Variants in PCSK2 observed in about 807,000 individuals in gnomAD.
The protein encoded by PCSK2 is proprotein convertase subtilisin/kexin type 2, also known as neuroendocrine convertase 2.
In PCSK2, 14 loss-of-function variants were observed where a neutral mutation model predicts 69.7. That is an observed-to-expected ratio of 0.20 (90% CI 0.13 to 0.31). PCSK2 has a LOEUF of 0.31. PCSK2 is among the 10% of genes least tolerant of loss of function. PCSK2 has a pLI of 1.00. For missense variants in PCSK2, 544 were observed against 842.5 expected, an observed-to-expected ratio of 0.65 and a Z score of 4.39; for synonymous variants, 307 against 320.7, an observed-to-expected ratio of 0.96 and a Z score of 0.46.
At chr20:17,442,447 A>G (rs1209339529) in intron 8 of PCSK2, among the ~76,000 whole-genome samples, 1 of 152,086 alleles carries the variant, frequency 6.6e-6, no homozygotes, top group East Asian at 1.9e-4. Context: ...TGGATCATCA[A>G]AAAGGAGGTT....
chr20:17,303,449 ATT>A (rs1989172536), intron 2 of PCSK2, among the ~76,000 whole-genome samples: 2 of 72,404 alleles, frequency 2.8e-5, no homozygotes, highest in African/African-American at 1.2e-4. Context: ...TATAATATAT[ATT>A]ATATTAAATA....
At chr20:17,479,161 T>G in intron 11 of PCSK2, 1 of 1,389,122 alleles carries the variant, frequency 7.2e-7, no homozygotes, top group Non-Finnish European at 1.0e-6. Flanking sequence ...ACAGGTTCCA[T>G]CAGATGTGGT....
At chr20:17,381,360 A>C (rs1336660331) in intron 5 of PCSK2, among the ~76,000 whole-genome samples, 1 of 152,246 alleles carries the variant, frequency 6.6e-6, no homozygotes, top group Non-Finnish European at 1.5e-5. Context: ...TGCTAGGCAG[A>C]AGAATAAGAT....
intron 2 of PCSK2, among the ~76,000 whole-genome samples, chr20:17,343,090 G>A (rs1251426889): frequency 6.6e-6 from 1 of 152,218 alleles, no homozygotes; most frequent in Non-Finnish European, 1.5e-5. Context: ...GATTCAGTAT[G>A]TGGGCCTAGA....
rs1019603022 is a variant in PCSK2 at position 17,306,792 on chromosome 20, C to T, written c.282+46448C>T. ...ATGATGAACTGCACACAAACTCTTT[C>T]GGCCTTGGTAACTTTCCTGAGGAAA... On this transcript the variant is annotated intron_variant, in intron 2 of 11. Coordinates refer to ENST00000262545, the MANE Select transcript of PCSK2 (RefSeq NM_002594.5). Among the ~76,000 whole-genome samples, 3 of 152,168 alleles carry T rather than the reference C, an allele frequency of 2.0e-5. No homozygotes were observed. The South Asian group carries it at 6.2e-4, about 32-fold the overall frequency.
chr20:17,258,135 T>G (rs760710097), intron 1 of PCSK2, among the ~76,000 whole-genome samples: 5 of 152,180 alleles, frequency 3.3e-5, no homozygotes, highest in Non-Finnish European at 5.9e-5. Context: ...CTAAACCCAG[T>G]CTGCACCCTC....
chr20:17,350,450 C>G (rs1199087838), intron 2 of PCSK2, among the ~76,000 whole-genome samples: 4 of 151,936 alleles, frequency 2.6e-5, no homozygotes, highest in Non-Finnish European at 5.9e-5. Flanking sequence ...GCTCCCCTTT[C>G]TCCTGGCCCC....
intron 2 of PCSK2, among the ~76,000 whole-genome samples, chr20:17,348,098 A>AGAAT (rs2029876557): frequency 2.0e-5 from 3 of 147,128 alleles, no homozygotes; most frequent in Non-Finnish European, 4.5e-5. Flanking sequence ...AAAGAAAGAA[A>AGAAT]GAAAGAAAAG....
chr20:17,393,872 T>C (rs913801264), intron 5 of PCSK2, among the ~76,000 whole-genome samples: 1 of 152,196 alleles, frequency 6.6e-6, no homozygotes, highest in Non-Finnish European at 1.5e-5. Context: ...AAAAGGAGGC[T>C]TGAAATATCA....
At chr20:17,420,453 A>C (rs1378839481) in intron 6 of PCSK2, among the ~76,000 whole-genome samples, 1 of 152,232 alleles carries the variant, frequency 6.6e-6, no homozygotes, top group African/African-American at 2.4e-5. Flanking sequence ...TTCTACATCC[A>C]AACCAGAGCA....
chr20:17,235,179 TTGTGA>T (rs56320417), intron 1 of PCSK2, among the ~76,000 whole-genome samples: 61,939 of 151,568 alleles, frequency 0.41, 13,873 homozygotes, highest in East Asian at 0.55. Context: ...TTGGAAATTG[TTGTGA>T]TGTGCTGAGA....
intron 1 of PCSK2, among the ~76,000 whole-genome samples, chr20:17,229,569 C>A (rs1986070435): frequency 6.6e-6 from 1 of 151,728 alleles, no homozygotes; most frequent in East Asian, 2.0e-4. Flanking sequence ...GTCCTTCATT[C>A]TTTCTTGGAG....
At chr20:17,347,919 AGG>A (rs1990718260) in intron 2 of PCSK2, among the ~76,000 whole-genome samples, 2 of 104,884 alleles carry the variant, frequency 1.9e-5, no homozygotes, top group African/African-American at 7.9e-5. Context: ...AAAGAAAGAA[AGG>A]AGAGAGAAAA....
chr20:17,345,674 A>T (rs888212356), intron 2 of PCSK2, among the ~76,000 whole-genome samples: 4 of 151,856 alleles, frequency 2.6e-5, no homozygotes, highest in African/African-American at 9.7e-5. Context: ...AACATGCACA[A>T]ATCAGAAGCA....
At chr20:17,465,632 A>T in intron 11 of PCSK2, 79 bp downstream of exon 11, 1 of 864,994 alleles carries the variant, frequency 1.2e-6, no homozygotes, top group Non-Finnish European at 1.8e-6. Context: ...ATAATATCAC[A>T]TTCCCTCTTC....
At chr20:17,481,418 A>AGG (rs773269504) in intron 11 of PCSK2, among the ~76,000 whole-genome samples, 166 bp from the exon 12 acceptor site, 2,897 of 140,966 alleles carry the variant, frequency 0.021, 196 homozygotes, top group East Asian at 0.11. Flanking sequence ...AAAAAAAGAG[A>AGG]TAAGTAACTT....
At chr20:17,354,317 T>A (rs1254525998) in intron 2 of PCSK2, among the ~76,000 whole-genome samples, 1 of 152,216 alleles carries the variant, frequency 6.6e-6, no homozygotes, top group Non-Finnish European at 1.5e-5. Flanking sequence ...TATACGTTAT[T>A]TTCTGAGAAG....
intron 2 of PCSK2, among the ~76,000 whole-genome samples, chr20:17,348,097 AAGAAAG>A (rs2029876447): frequency 2.0e-5 from 3 of 146,670 alleles, no homozygotes; most frequent in Non-Finnish European, 1.5e-5. Context: ...GAAAGAAAGA[AAGAAAG>A]AAAAGAAAAG....
chr20:17,376,666 A>G (rs2030937533), intron 5 of PCSK2, among the ~76,000 whole-genome samples: 1 of 152,160 alleles, frequency 6.6e-6, no homozygotes, highest in Non-Finnish European at 1.5e-5. Flanking sequence ...CTACTCATTC[A>G]TTTTGGCACT....
Sources: allele counts gnomAD v4.1 joint callset (sites outside exome capture counted in the v4.1 genomes callset), GRCh38; gene constraint gnomAD v4.1.1; transcripts MANE v1.5; gene names NCBI Gene and HGNC (gene_info 2026-07-23, HGNC 2026-07-21).